The following WIPF3 variants were observed in gnomAD, a reference collection of about 807,000 sequenced individuals.
WIPF3 encodes the protein WAS/WASL interacting protein family member 3.
Under a neutral mutation model 38.9 loss-of-function variants are expected in WIPF3, and 33 were observed. That is an observed-to-expected ratio of 0.85 (90% CI 0.64 to 1.14). The LOEUF (loss-of-function observed/expected upper bound fraction) is 1.14. Among genes scored for constraint, WIPF3 ranks in the 50% most tolerant of loss-of-function variants. The pLI, the probability that WIPF3 is intolerant of heterozygous loss-of-function variation, is 0.00. For synonymous variants in WIPF3, 324 were observed against 269.3 expected (o/e 1.20, Z -1.99); for missense variants, 711 against 652.5 (o/e 1.09, Z -0.98).
At chr7:29,891,996 T>C (rs35658188) in intron 7 of WIPF3, among the ~76,000 whole-genome samples, 32 of 152,166 alleles carry the variant, frequency 2.1e-4, no homozygotes, top group Non-Finnish European at 3.8e-4. Context: ...GATAAGACCA[T>C]ACAGACTGCC....
intron 2 of WIPF3, among the ~76,000 whole-genome samples, chr7:29,873,523 A>C (rs1433854664): frequency 6.6e-6 from 1 of 152,182 alleles, no homozygotes; most frequent in Non-Finnish European, 1.5e-5. Flanking sequence ...AATGAGAGGA[A>C]ACTTTAAAAA....
At position 29,878,437 on chromosome 7, in the gene WIPF3, G is replaced by A. The variant is rs138636889; in HGVS notation, c.224-572G>A. On this transcript the variant is annotated intron_variant, in intron 3 of 8. Transcript: ENST00000242140. The surrounding 1 kb of genome is among the most constrained non-coding windows in gnomAD (Gnocchi z 4.0). ...TTCCTCAGGGGCTCATGATCTTTCC[G>A]TTCCATAGATGAAAAGGTGCAGGGA... is the stretch of plus-strand genomic sequence containing the variant. Among the ~76,000 whole-genome samples, 19 of 152,258 alleles carry A rather than the reference G, an allele frequency of 1.2e-4. No homozygotes were observed. The highest frequency in any genetic ancestry group is 2.6e-4 in the African/African-American group (11 of 41,564).
At chr7:29,895,398 AT>A (rs79246342) in intron 7 of WIPF3, among the ~76,000 whole-genome samples, 25,497 of 152,202 alleles carry the variant, frequency 0.17, 2,276 homozygotes, top group African/African-American at 0.21. Flanking sequence ...TAGCAGCACT[AT>A]TCACAATAGC....
rs376348578 is a variant in WIPF3 at position 29,916,652 on chromosome 7, G to T, written c.*2136G>T. The T allele has an allele frequency of 2.0e-5, 3 of 152,214 alleles. No homozygotes were observed. Among genetic ancestry groups the T allele is most frequent in the African/African-American group, 7.2e-5 (3 of 41,492 alleles). The allele number at this position is 152,214 out of a possible 1,614,324, so 9.4% of individuals were successfully genotyped here. A position where few individuals can be genotyped will look rare whatever the true frequency, so the allele number is the denominator to read the frequency against. On this transcript the variant is annotated 3_prime_UTR_variant, in exon 9 of 9. Coordinates refer to ENST00000242140, the MANE Select transcript of WIPF3 (RefSeq NM_001080529.3). ...TGCTTGAACCCTGGAGGTGGAGGTT[G>T]CAGTGAGCTGAGATGGCACCACTGC...
chr7:29,819,223 C>G (rs921640923), intron 1 of WIPF3, among the ~76,000 whole-genome samples: 2 of 151,842 alleles, frequency 1.3e-5, no homozygotes, highest in Non-Finnish European at 2.9e-5. Flanking sequence ...GATGTTCTCT[C>G]TTGTCTTGGT....
At chr7:29,852,822 C>A (rs546540876) in intron 2 of WIPF3, among the ~76,000 whole-genome samples, 36 of 152,270 alleles carry the variant, frequency 2.4e-4, no homozygotes, top group Middle Eastern at 3.4e-3. Context: ...GAGTGTGTGT[C>A]CAAAGTCACT....
chr7:29,897,833 T>C (rs1166553998), intron 7 of WIPF3, among the ~76,000 whole-genome samples: 1 of 152,246 alleles, frequency 6.6e-6, no homozygotes, highest in African/African-American at 2.4e-5. Context: ...TTTTTACTGC[T>C]GACCATACCT....
At chr7:29,842,821 A>T (rs969069752) in intron 2 of WIPF3, among the ~76,000 whole-genome samples, 1 of 152,200 alleles carries the variant, frequency 6.6e-6, no homozygotes, top group South Asian at 2.1e-4. Flanking sequence ...ATATTGCACC[A>T]TATTCTGGAA....
At chr7:29,889,439 C>CT in intron 7 of WIPF3, 32 bp downstream of exon 7, 1 of 1,557,442 alleles carries the variant, frequency 6.4e-7, no homozygotes. Context: ...CTCCTGGCAT[C>CT]TCCCGACCCT....
At chr7:29,845,534 C>T (rs1203210708) in intron 2 of WIPF3, among the ~76,000 whole-genome samples, 5 of 152,212 alleles carry the variant, frequency 3.3e-5, no homozygotes, top group African/African-American at 1.2e-4. Flanking sequence ...AAACTTTGTA[C>T]CATATGTTGC....
intron 4 of WIPF3, among the ~76,000 whole-genome samples, chr7:29,880,995 C>G (rs1053503670): frequency 3.3e-5 from 5 of 152,296 alleles, no homozygotes; most frequent in Admixed American, 2.0e-4. Context: ...CCTTGCTGCT[C>G]TCACACACCA....
chr7:29,824,448 C>T (rs1222814193), intron 1 of WIPF3, among the ~76,000 whole-genome samples: 1 of 152,054 alleles, frequency 6.6e-6, no homozygotes, highest in Admixed American at 6.6e-5. Context: ...TGCAGAGAAG[C>T]TGGCACCTGA....
Position 29,888,167 on chromosome 7 carries a change from C to T in WIPF3, c.1199C>T (p.Pro400Leu), listed in dbSNP as rs184114982. 18 of 1,613,304 alleles carry T rather than the reference C, an allele frequency of 1.1e-5. No homozygotes were observed. The highest frequency in any genetic ancestry group is 1.7e-4 in the Middle Eastern group (1 of 6,060). The part of the protein sequence containing the change: ...SKSQQATAWT[P>L]TQQPGGQLRN... ...AGCCAGCAGGCCACAGCCTGGACCC[C>T]GACGCAGCAGCCTGGAGGTCAACTG... The change falls in exon 6 of 9, where the codon CCG becomes CTG. Residue 400 changes from proline (P) to leucine (L), a missense_variant. Coordinates refer to ENST00000242140, the MANE Select transcript of WIPF3 (RefSeq NM_001080529.3).
intron 1 of WIPF3, among the ~76,000 whole-genome samples, chr7:29,817,317 A>G (rs1784471023): frequency 6.6e-6 from 1 of 152,066 alleles, no homozygotes; most frequent in Non-Finnish European, 1.5e-5. Context: ...TTTCCCTGCA[A>G]TTTGTAGTAT....
At chr7:29,835,104 A>C (rs1784779667) in intron 2 of WIPF3, among the ~76,000 whole-genome samples, 1 of 151,656 alleles carries the variant, frequency 6.6e-6, no homozygotes, top group South Asian at 2.1e-4. Flanking sequence ...AGTCTGAGTG[A>C]CTTTCTGTCT....
At chr7:29,835,752 T>C (rs906212288) in intron 2 of WIPF3, among the ~76,000 whole-genome samples, 1 of 152,182 alleles carries the variant, frequency 6.6e-6, no homozygotes, top group Non-Finnish European at 1.5e-5. Context: ...AGCTTCTGTT[T>C]TCCGTGGAAA....
chr7:29,806,890 G>A (rs1784289303), intron 1 of WIPF3, among the ~76,000 whole-genome samples: 1 of 151,238 alleles, frequency 6.6e-6, no homozygotes, highest in Admixed American at 6.6e-5. Flanking sequence ...CCCCCCACCC[G>A]CACCCTGCCA....
intron 2 of WIPF3, among the ~76,000 whole-genome samples, chr7:29,858,368 A>T (rs73686254): frequency 3.0e-4 from 46 of 152,322 alleles, no homozygotes; most frequent in African/African-American, 1.0e-3. Flanking sequence ...GAGACCCATC[A>T]GCACAAAAGA....
chr7:29,840,688 C>T (rs1286065000), intron 2 of WIPF3, among the ~76,000 whole-genome samples: 1 of 152,236 alleles, frequency 6.6e-6, no homozygotes, highest in East Asian at 1.9e-4. Context: ...GTAAGAAAGA[C>T]TTTGTTTAGG....
Sources: allele counts gnomAD v4.1 joint callset (sites outside exome capture counted in the v4.1 genomes callset), GRCh38; gene constraint gnomAD v4.1.1; non-coding constraint Gnocchi (gnomAD v3.1); transcripts MANE v1.5; gene names NCBI Gene and HGNC (gene_info 2026-07-23, HGNC 2026-07-21).